The following TBX19 variants were observed in gnomAD, a reference collection of about 807,000 sequenced individuals.
The protein encoded by TBX19 is T-box transcription factor TBX19.
Under a neutral mutation model 40.9 loss-of-function variants are expected in TBX19, and 33 were observed. The ratio of observed to expected loss-of-function variants is 0.81; its 90% CI spans 0.61 to 1.08. TBX19 has a LOEUF of 1.08. Ranked by LOEUF, TBX19 falls within the 50% of genes least tolerant of loss-of-function variation. The pLI, the probability that TBX19 is intolerant of heterozygous loss-of-function variation, is 0.00. For synonymous variants in TBX19, 220 were observed against 225.0 expected, an observed-to-expected ratio of 0.98 and a Z score of 0.20; for missense variants, 494 against 574.0, an observed-to-expected ratio of 0.86 and a Z score of 1.42.
Position 168,308,833 on chromosome 1 carries a change from C to A in TBX19, c.1008C>A (p.Ile336=). The change falls in exon 7 of 8, where the codon ATC becomes ATA. Residue 336 remains isoleucine, a synonymous_variant. Coordinates refer to ENST00000367821, the MANE Select transcript of TBX19 (RefSeq NM_005149.3). The part of the protein sequence containing the change: ...TSLSSTPHAS[I]LSVPHTNGPI... Reference sequence around the variant, plus strand: ...TATCCTCCACACCCCATGCCAGCATCCTGTCTGTACCCCACACCAACGGAC... The same window carrying A: ...TATCCTCCACACCCCATGCCAGCATACTGTCTGTACCCCACACCAACGGAC... 1.9e-6 allele frequency: 3 copies of A among 1,614,166 alleles called. No individual in the cohort carries two copies. The highest frequency in any genetic ancestry group is 3.3e-4 in the Middle Eastern group (2 of 6,062).
At chr1:168,306,915 G>T (rs754699879) in intron 6 of TBX19, among the ~76,000 whole-genome samples, 3 of 152,204 alleles carry the variant, frequency 2.0e-5, no homozygotes, top group Non-Finnish European at 2.9e-5. Flanking sequence ...GAGGAGCAAA[G>T]GCTGCCCAGA....
At chr1:168,285,748 CTA>C (rs1384182054) in intron 1 of TBX19, among the ~76,000 whole-genome samples, 10 of 152,206 alleles carry the variant, frequency 6.6e-5, no homozygotes, top group African/African-American at 1.9e-4. Context: ...CTGGGTTTCT[CTA>C]TGTTAGCTAC....
chr1:168,302,563 CG>C (rs1553290280), intron 5 of TBX19, among the ~76,000 whole-genome samples: 1 of 152,040 alleles, frequency 6.6e-6, no homozygotes, highest in Non-Finnish European at 1.5e-5. Flanking sequence ...TAAACTCACT[CG>C]AAATAGTCTT....
Position 168,312,811 on chromosome 1 carries a change from C to A in TBX19, c.1156C>A (p.Pro386Thr), listed in dbSNP as rs759174668. The change falls in exon 8 of 8, where the codon CCA becomes ACA. Residue 386 changes from proline (P) to threonine (T), a missense_variant. Physicochemically the swap from Pro to Thr is conservative, Grantham distance 38. Around this residue, in one of 3 missense-constraint regions of TBX19, gnomAD observed 284 missense variants for 307.3 expected, o/e 0.92. Transcript: ENST00000367821. ...STPGAFLLGN[P>T]AVTSPPSVLS... is the part of the protein sequence containing the mutation. ...CCCAGGAGCATTTCTCCTCGGAAACCCAGCTGTGACTTCACCCCCTTCTGT... is the reference window on the plus strand; with the variant it reads ...CCCAGGAGCATTTCTCCTCGGAAACACAGCTGTGACTTCACCCCCTTCTGT... The A allele has an allele frequency of 2.2e-5, 36 of 1,614,148 alleles. No individual in the cohort carries two copies. Among genetic ancestry groups the A allele is most frequent in the African/African-American group, 4.0e-5 (3 of 74,950 alleles).
chr1:168,312,611 C>T, intron 7 of TBX19, 97 bp from the exon 8 acceptor site: 1 of 1,408,728 alleles, frequency 7.1e-7, no homozygotes, highest in Non-Finnish European at 9.9e-7. Context: ...CTCCTGTAAC[C>T]ATGCCCTTCT....
rs543799448 is a variant in TBX19, at chr1:168,296,291, A to C, written c.604-1433A>C. Among the ~76,000 whole-genome samples the C allele has an allele frequency of 8.1e-4, 123 of 152,322 alleles. 1 individual carries two copies. The highest frequency in any genetic ancestry group is 2.8e-3 in the African/African-American group (117 of 41,568). On this transcript the variant is annotated intron_variant, in intron 3 of 7. Transcript: ENST00000367821. ...TTCTTCTCACAAGTTCTGAGCCAGA[A>C]GGAGTTGGGCTCTGTATTAGCCCAT...
At position 168,293,359 on chromosome 1, in the gene TBX19, C is replaced by T. The variant is rs1351867402; in HGVS notation, c.603+81C>T. ...ACCTGGGAGATCATGGCAGGATGGG[C>T]GGGGGGGGTCCTTTTAGATGAAAGG... is the stretch of plus-strand genomic sequence containing the variant. On this transcript the variant is annotated intron_variant, in intron 3 of 7. Coordinates refer to ENST00000367821, the MANE Select transcript of TBX19 (RefSeq NM_005149.3). 3.5e-5 allele frequency: 49 copies of T among 1,414,724 alleles called. 2 individuals carry two copies. Among genetic ancestry groups the T allele is most frequent in the South Asian group, 3.2e-4 (25 of 77,914 alleles). The allele number at this position is 1,414,724 out of a possible 1,614,324, so 87.6% of individuals were successfully genotyped here. A position where few individuals can be genotyped will look rare whatever the true frequency, so the allele number is the denominator to read the frequency against.
intron 4 of TBX19, 72 bp from the exon 5 acceptor site, chr1:168,300,349 AT>A (rs1423652959): frequency 7.1e-7 from 1 of 1,402,872 alleles, no homozygotes; most frequent in African/African-American, 1.4e-5. Flanking sequence ...TTCAAGGAGA[AT>A]TTTGGGTATG....
intron 1 of TBX19, among the ~76,000 whole-genome samples, chr1:168,284,793 ATC>A (rs144533452): frequency 1.5e-5 from 2 of 132,934 alleles, no homozygotes; most frequent in African/African-American, 5.5e-5. Flanking sequence ...AAAAAAAAAA[ATC>A]AAATCTCTTG....
At chr1:168,311,167 C>A (rs1448232157) in intron 7 of TBX19, among the ~76,000 whole-genome samples, 1 of 151,574 alleles carries the variant, frequency 6.6e-6, no homozygotes, top group African/African-American at 2.4e-5. Flanking sequence ...AGATGAGGTT[C>A]CCTGAAGATA....
intron 6 of TBX19, chr1:168,308,309 C>A (rs780782284): frequency 1.2e-5 from 3 of 252,272 alleles, no homozygotes; most frequent in Admixed American, 5.1e-5. Context: ...GATATTTAAA[C>A]CTACTCAGGG....
intron 4 of TBX19, among the ~76,000 whole-genome samples, chr1:168,298,824 T>TCCCTCCCTTTCC (rs1558192751): frequency 1.5e-4 from 2 of 13,342 alleles, no homozygotes; most frequent in Admixed American, 7.1e-4. Context: ...CCTCCCTTCC[T>TCCCTCCCTTTCC]TTCTTTCTTT....
intron 5 of TBX19, among the ~76,000 whole-genome samples, chr1:168,304,368 C>T (rs12565067): frequency 0.054 from 8,236 of 152,166 alleles, 402 homozygotes; most frequent in East Asian, 0.2. Flanking sequence ...TGAGTCACTT[C>T]TGGGTGGGGC....
intron 6 of TBX19, chr1:168,308,197 G>T (rs1649448710): frequency 1.3e-5 from 2 of 156,396 alleles, no homozygotes; most frequent in Admixed American, 1.2e-4. Flanking sequence ...GCCCAGAGAG[G>T]TCTCAAATTC....
intron 1 of TBX19, among the ~76,000 whole-genome samples, chr1:168,289,684 GCTTAT>G: frequency 6.6e-6 from 1 of 152,198 alleles, no homozygotes; most frequent in Non-Finnish European, 1.5e-5. Context: ...CATGCAAAGT[GCTTAT>G]TCCCATGCCT....
rs200208381 is a variant in TBX19, at chr1:168,291,341, C to G, written c.385C>G (p.Pro129Ala). The G allele has an allele frequency of 1.2e-6, 2 of 1,614,214 alleles. No individual in the cohort carries two copies. The highest frequency in any genetic ancestry group is 4.5e-5 in the East Asian group (2 of 44,882). ...CTGCGTCTACATTCACCCGGACTCC[C>G]CCAACTTTGGGGCCCACTGGATGAA... ...HSCVYIHPDSPNFGAHWMKAP... is the reference protein window; with the variant it reads ...HSCVYIHPDSANFGAHWMKAP... Residue 129 changes from proline to alanine, a missense_variant, in exon 2 of 8, where the codon CCC becomes GCC. Transcript: ENST00000367821.
Position 168,305,096 on chromosome 1 carries a change from TC to T in TBX19, c.820del (p.His274ThrfsTer33), listed in dbSNP as rs1289894662. On this transcript the variant is annotated frameshift_variant, in exon 6 of 8. Coordinates refer to ENST00000367821, the MANE Select transcript of TBX19 (RefSeq NM_005149.3). LOFTEE classifies it high-confidence loss of function. ...QYAAPLPLPA[P>X]HTHHGCEHYS... ...ATGCCGCTCCTCTGCCTCTGCCTGC[TC>T]CCCACACCCACCATGGCTGTGAGCA... 1.2e-6 allele frequency: 2 copies of T among 1,613,996 alleles called. No homozygotes were observed. The highest frequency in any genetic ancestry group is 2.7e-5 in the African/African-American group (2 of 74,898).
In TBX19 at chr1:168,290,203, C is replaced by T. The variant is rs529952842; in HGVS notation, c.204-957C>T. Among the ~76,000 whole-genome samples the T allele has an allele frequency of 2.4e-4, 37 of 152,170 alleles. No homozygotes were observed. In the East Asian group the frequency reaches 4.3e-3, roughly 17 times the overall value. On this transcript the variant is annotated intron_variant, in intron 1 of 7. Transcript: ENST00000367821. ...TGCTAATGGCCGTGGGGTTTCTTTT[C>T]GGGATGATGAAAATGCTCTAGACTT...
rs558245361 is a variant in TBX19 at position 168,313,117 on chromosome 1, G to A, written c.*115G>A. ...GGAATCTCCCTTCCCACTAGCTGGA[G>A]GTGGAGGTGGGTTATTACAGAAGTC... is the stretch of plus-strand genomic sequence containing the variant. On this transcript the variant is annotated 3_prime_UTR_variant, in exon 8 of 8. Coordinates refer to ENST00000367821, the MANE Select transcript of TBX19 (RefSeq NM_005149.3). The A allele has an allele frequency of 3.1e-6, 4 of 1,294,092 alleles. No individual in the cohort carries two copies. Among genetic ancestry groups the A allele is most frequent in the Non-Finnish European group, 4.4e-6 (4 of 910,654 alleles). The allele number at this position is 1,294,092 out of a possible 1,614,324, so 80.2% of individuals were successfully genotyped here.
Sources: gnomAD v4.1 joint callset for allele counts (sites outside exome capture counted in the v4.1 genomes callset) on GRCh38, gnomAD v4.1.1 for gene constraint, gnomAD v4.1.1 regional missense constraint, MANE v1.5 for transcripts, NCBI Gene and HGNC (gene_info 2026-07-23, HGNC 2026-07-21) for gene names.